The following LPP variants were observed in gnomAD, a reference collection of about 807,000 sequenced individuals.
LPP encodes the protein lipoma-preferred partner.
A neutral mutation model predicts 60.4 loss-of-function variants in LPP; 38 were observed. The ratio of observed to expected loss-of-function variants is 0.63; its 90% CI spans 0.49 to 0.83. LPP has a LOEUF of 0.83. Among genes scored for constraint, LPP ranks in the 40% least tolerant of loss-of-function variants. The pLI is 0.00. For missense variants in LPP, 902 were observed against 783.6 expected (o/e 1.15, Z -1.80); for synonymous variants, 328 against 290.8 (o/e 1.13, Z -1.30).
At chr3:188,625,165 C>G (rs946197020) in intron 7 of LPP, among the ~76,000 whole-genome samples, 3 of 152,010 alleles carry the variant, frequency 2.0e-5, no homozygotes, top group Non-Finnish European at 4.4e-5. Flanking sequence ...TAATAGCTAC[C>G]CCAAAATATT....
chr3:188,166,140 A>G (rs1415377907), intron 1 of LPP, among the ~76,000 whole-genome samples: 1 of 152,214 alleles, frequency 6.6e-6, no homozygotes, highest in Non-Finnish European at 1.5e-5. Context: ...CGAGGTCTTT[A>G]AGACCTATCA....
upstream of LPP, chr3:188,153,091 C>T (rs1460187294): frequency 6.6e-6 from 1 of 152,260 alleles, no homozygotes; most frequent in Non-Finnish European, 1.5e-5. Context: ...CAACCAGGAC[C>T]TTCCAGGAAC....
chr3:188,472,041 C>G (rs1361627820), intron 4 of LPP, among the ~76,000 whole-genome samples: 1 of 152,200 alleles, frequency 6.6e-6, no homozygotes, highest in African/African-American at 2.4e-5. Context: ...AATTCACCAT[C>G]TTGTGTTGTA....
chr3:188,524,912 C>A (rs1485797750), intron 6 of LPP, 125 bp downstream of exon 6: 1 of 457,740 alleles, frequency 2.2e-6, no homozygotes, highest in Non-Finnish European at 3.9e-6. Flanking sequence ...TCCTTCCTTC[C>A]TTCCTTCCTT....
chr3:188,448,517 T>G (rs1210937914), intron 4 of LPP, among the ~76,000 whole-genome samples: 1 of 152,182 alleles, frequency 6.6e-6, no homozygotes, highest in Non-Finnish European at 1.5e-5. Flanking sequence ...TGTTAATTTA[T>G]TCTGAAGTGT....
intron 1 of LPP, among the ~76,000 whole-genome samples, chr3:188,184,604 C>A (rs966231775): frequency 1.3e-5 from 2 of 151,758 alleles, no homozygotes; most frequent in African/African-American, 2.4e-5. Context: ...CAGGTCGGAC[C>A]CTAATGTGAG....
At chr3:188,290,822 T>C (rs2150039459) in intron 2 of LPP, among the ~76,000 whole-genome samples, 1 of 152,312 alleles carries the variant, frequency 6.6e-6, no homozygotes, top group Non-Finnish European at 1.5e-5. Context: ...GTCAATTCAC[T>C]GGTCAAAGGT....
At chr3:188,435,522 G>A (rs1303547952) in intron 4 of LPP, among the ~76,000 whole-genome samples, 1 of 151,880 alleles carries the variant, frequency 6.6e-6, no homozygotes, top group Non-Finnish European at 1.5e-5. Context: ...GGGGGGAGGG[G>A]GAAAGTAAAT....
intron 3 of LPP, among the ~76,000 whole-genome samples, chr3:188,380,785 G>T (rs1262859661): frequency 6.6e-6 from 1 of 152,196 alleles, no homozygotes; most frequent in Non-Finnish European, 1.5e-5. Context: ...ATCCCTGTAA[G>T]GGGGAAGAAT....
intron 4 of LPP, among the ~76,000 whole-genome samples, chr3:188,463,272 C>G (rs1276371445): frequency 1.3e-5 from 2 of 151,872 alleles, no homozygotes; most frequent in East Asian, 3.9e-4. Flanking sequence ...TCACTCTGAC[C>G]TTGAACTCTT....
intron 8 of LPP, among the ~76,000 whole-genome samples, chr3:188,732,704 TG>T (rs1721066067): frequency 9.1e-6 from 1 of 109,708 alleles, no homozygotes; most frequent in African/African-American, 3.7e-5. Flanking sequence ...AGCGACAGAG[TG>T]AGACTCTTAT....
chr3:188,462,977 G>C (rs75374510), intron 4 of LPP, among the ~76,000 whole-genome samples: 3,689 of 151,928 alleles, frequency 0.024, 151 homozygotes, highest in African/African-American at 0.084. Context: ...ATGGTGGGGG[G>C]CACTTGTAAT....
At chr3:188,611,398 G>A (rs747096719) in intron 7 of LPP, among the ~76,000 whole-genome samples, 16 of 152,074 alleles carry the variant, frequency 1.1e-4, no homozygotes, top group South Asian at 2.1e-4. Flanking sequence ...TGTTAATGTC[G>A]CAGTATATTT....
At chr3:188,519,376 A>G (rs1290103902) in intron 5 of LPP, among the ~76,000 whole-genome samples, 1 of 152,220 alleles carries the variant, frequency 6.6e-6, no homozygotes, top group Non-Finnish European at 1.5e-5. Context: ...TTTATAAGAC[A>G]CCTGACCAGA....
chr3:188,743,241 A>T (rs1237101518), intron 8 of LPP, among the ~76,000 whole-genome samples: 1 of 152,120 alleles, frequency 6.6e-6, no homozygotes, highest in South Asian at 2.1e-4. Context: ...TAATTGGTTA[A>T]CTCACATAAT....
chr3:188,731,123 G>C (rs916801238), intron 8 of LPP, among the ~76,000 whole-genome samples: 1 of 152,190 alleles, frequency 6.6e-6, no homozygotes, highest in Non-Finnish European at 1.5e-5. Flanking sequence ...TCCTCTTTGG[G>C]AGGCATTACG....
At chr3:188,531,924 C>T (rs1000576895) in intron 6 of LPP, among the ~76,000 whole-genome samples, 1 of 152,100 alleles carries the variant, frequency 6.6e-6, no homozygotes, top group African/African-American at 2.4e-5. Flanking sequence ...CTACTCTGCC[C>T]CACCACCGCA....
chr3:188,287,913 GA>G (rs769817401), intron 2 of LPP, among the ~76,000 whole-genome samples: 18 of 152,244 alleles, frequency 1.2e-4, no homozygotes, highest in Non-Finnish European at 2.4e-4. Context: ...GCATTTTATT[GA>G]GTATTTTATC....
intron 4 of LPP, among the ~76,000 whole-genome samples, chr3:188,421,721 G>C (rs1177155306): frequency 6.6e-6 from 1 of 152,096 alleles, no homozygotes; most frequent in African/African-American, 2.4e-5. Context: ...ATTTTGGTCA[G>C]TTTTGCCTGT....
Sources: gnomAD v4.1 joint callset for allele counts (sites outside exome capture counted in the v4.1 genomes callset) on GRCh38, gnomAD v4.1.1 for gene constraint, MANE v1.5 for transcripts, NCBI Gene and HGNC (gene_info 2026-07-23, HGNC 2026-07-21) for gene names.